Variants in ABL1 observed in about 807,000 individuals in gnomAD.
ABL1 encodes tyrosine-protein kinase ABL1.
Under a neutral mutation model 94.7 loss-of-function variants are expected in ABL1, and 11 were observed. That is an observed-to-expected ratio of 0.12 (90% CI 0.07 to 0.19). ABL1 has a LOEUF of 0.19. Ranked by LOEUF, ABL1 falls within the 10% of genes least tolerant of loss-of-function variation. The probability of loss-of-function intolerance (pLI) is 1.00; values close to 1 mark genes in which losing one functional copy is unlikely to be tolerated. For missense variants in ABL1, 1,082 were observed against 1,489.4 expected (o/e 0.73, Z 4.50); for synonymous variants, 656 against 622.4 (o/e 1.05, Z -0.80).
intron 1 of ABL1, among the ~76,000 whole-genome samples, chr9:130,742,268 C>T (rs1387058885): frequency 2.0e-5 from 3 of 152,184 alleles, no homozygotes; most frequent in South Asian, 2.1e-4. Context: ...GAGATGCACA[C>T]GTAGCTTTTC....
intron 1 of ABL1, among the ~76,000 whole-genome samples, chr9:130,766,628 C>G (rs1276249214): frequency 1.3e-5 from 2 of 152,090 alleles, no homozygotes. Context: ...AGCATCATCT[C>G]CCCCCAGGGC....
At chr9:130,738,951 C>T (rs1423489295) in intron 1 of ABL1, among the ~76,000 whole-genome samples, 4 of 152,146 alleles carry the variant, frequency 2.6e-5, no homozygotes, top group Non-Finnish European at 4.4e-5. Flanking sequence ...GGTGCGATCT[C>T]GATTCACGGC....
At chr9:130,874,824 AG>A (rs1260050756) in intron 6 of ABL1, 43 bp from the exon 7 acceptor site, 1 of 1,597,012 alleles carries the variant, frequency 6.3e-7, no homozygotes, top group East Asian at 2.2e-5. Flanking sequence ...GTGAAGTGGA[AG>A]GTTGGCCAGG....
Position 130,739,015 on chromosome 9 carries a change from G to A in ABL1, c.136+24560G>A, listed in dbSNP as rs556988647. ...CTCCTGTCTCAGCCTCCAGAGTAGC[G>A]GGGAGCCACCCGCTACAGGCGCGTG... is the stretch of plus-strand genomic sequence containing the variant. On this transcript the variant is annotated intron_variant, in intron 1 of 10. Transcript: ENST00000372348. 7.2e-5 allele frequency among the ~76,000 whole-genome samples: 11 copies of A among 152,086 alleles called. No homozygotes were observed. The South Asian group carries it at 8.3e-4, about 11-fold the overall frequency.
chr9:130,746,601 T>C (rs568722848), intron 1 of ABL1, among the ~76,000 whole-genome samples: 21 of 151,714 alleles, frequency 1.4e-4, no homozygotes, highest in African/African-American at 4.8e-4. Context: ...ATGTTGCATG[T>C]GACAACAGTT....
intron 1 of ABL1, among the ~76,000 whole-genome samples, chr9:130,840,116 T>C (rs1269496908): frequency 6.6e-6 from 1 of 152,214 alleles, no homozygotes; most frequent in Non-Finnish European, 1.5e-5. Flanking sequence ...AGCAAATATT[T>C]AGCAGCCTAA....
intron 1 of ABL1, among the ~76,000 whole-genome samples, chr9:130,732,059 C>T (rs2132695564): frequency 6.6e-6 from 1 of 151,726 alleles, no homozygotes; most frequent in Admixed American, 6.6e-5. Flanking sequence ...ACACTCAGTA[C>T]TTGTCCCTTG....
At chr9:130,718,683 T>C (rs1291260660) in intron 1 of ABL1, among the ~76,000 whole-genome samples, 3 of 151,942 alleles carry the variant, frequency 2.0e-5, no homozygotes, top group Non-Finnish European at 4.4e-5. Flanking sequence ...GAGTTCAAGA[T>C]CATCCTGGGC....
At chr9:130,796,920 C>CAACAA (rs1829982081) in intron 1 of ABL1, among the ~76,000 whole-genome samples, 1 of 60,770 alleles carries the variant, frequency 1.6e-5, no homozygotes, top group East Asian at 6.1e-4. Context: ...AACTTCATCT[C>CAACAA]AAAAAAAAAA....
In ABL1 at chr9:130,809,772, C is replaced by T. The variant is rs146880590; in HGVS notation, c.137-44292C>T. 2.9e-3 allele frequency among the ~76,000 whole-genome samples: 446 copies of T among 152,296 alleles called. 2 individuals carry two copies. The highest frequency in any genetic ancestry group is 0.01 in the African/African-American group (429 of 41,556). On this transcript the variant is annotated intron_variant, in intron 1 of 10. Coordinates refer to the ABL1 transcript ENST00000372348. ...ACATTAGGGAGGCCAAGCTGCTTTA[C>T]GCATTTTGCCAGACTAACGTTTGAC...
intron 10 of ABL1, among the ~76,000 whole-genome samples, chr9:130,883,366 G>A (rs1055442525): frequency 1.3e-5 from 2 of 152,110 alleles, no homozygotes; most frequent in African/African-American, 4.8e-5. Flanking sequence ...GCGTGGTAGC[G>A]GGTGCCTATA....
At chr9:130,781,837 GAGAGA>G (rs1446599263) in intron 1 of ABL1, among the ~76,000 whole-genome samples, 1 of 152,054 alleles carries the variant, frequency 6.6e-6, no homozygotes, top group East Asian at 1.9e-4. Flanking sequence ...GGCAGGAAAT[GAGAGA>G]AGAGGAGGAG....
intron 1 of ABL1, among the ~76,000 whole-genome samples, chr9:130,849,753 A>G (rs1297590668): frequency 1.3e-5 from 2 of 152,116 alleles, no homozygotes; most frequent in African/African-American, 2.4e-5. Flanking sequence ...CCTGACCTCA[A>G]GTGATTGCCC....
intron 1 of ABL1, among the ~76,000 whole-genome samples, chr9:130,730,570 T>C (rs1198072516): frequency 6.6e-6 from 1 of 152,044 alleles, no homozygotes; most frequent in Non-Finnish European, 1.5e-5. Flanking sequence ...ATATTTTTTT[T>C]CCTTTTTTTT....
chr9:130,798,863 C>A (rs908509232), intron 1 of ABL1, among the ~76,000 whole-genome samples: 1 of 149,792 alleles, frequency 6.7e-6, no homozygotes, highest in African/African-American at 2.5e-5. Context: ...CCCAGCTACT[C>A]GGGAGGCTGA....
chr9:130,800,279 A>AC (rs1358731025), intron 1 of ABL1, among the ~76,000 whole-genome samples: 1 of 152,140 alleles, frequency 6.6e-6, no homozygotes, highest in African/African-American at 2.4e-5. Context: ...TATAATATCC[A>AC]CCCATTTTTA....
At chr9:130,763,101 G>C (rs575104545) in intron 1 of ABL1, among the ~76,000 whole-genome samples, 439 of 151,782 alleles carry the variant, frequency 2.9e-3, no homozygotes, top group Non-Finnish European at 4.8e-3. Flanking sequence ...TGTTTCTTCA[G>C]TATGACATTT....
At chr9:130,877,379 T>C (rs1216590469) in intron 7 of ABL1, among the ~76,000 whole-genome samples, 1 of 148,202 alleles carries the variant, frequency 6.7e-6, no homozygotes, top group Non-Finnish European at 1.5e-5. Flanking sequence ...TTTTATGAAA[T>C]GTTTAGAGTT....
intron 1 of ABL1, among the ~76,000 whole-genome samples, chr9:130,753,369 G>T (rs1362018734): frequency 6.6e-6 from 1 of 151,184 alleles, no homozygotes; most frequent in African/African-American, 2.4e-5. Context: ...TATCACAGTG[G>T]TGTTTACTGT....
Sources: allele counts gnomAD v4.1 joint callset (sites outside exome capture counted in the v4.1 genomes callset), GRCh38; gene constraint gnomAD v4.1.1; transcripts MANE v1.5; gene names NCBI Gene and HGNC (gene_info 2026-07-23, HGNC 2026-07-21).